The following LMNB1 variants were observed in gnomAD, a reference collection of about 807,000 sequenced individuals.
LMNB1 encodes lamin B1, also known as lamin-B1.
A neutral mutation model predicts 67.1 loss-of-function variants in LMNB1; 23 were observed. That is an observed-to-expected ratio of 0.34 (90% confidence interval 0.25 to 0.49). LMNB1 has a LOEUF of 0.49. Ranked by LOEUF, LMNB1 falls within the 20% of genes least tolerant of loss-of-function variation. LMNB1 has a pLI of 0.99. For missense variants in LMNB1, 634 were observed against 746.5 expected, an observed-to-expected ratio of 0.85 and a Z score of 1.76; for synonymous variants, 281 against 282.9, an observed-to-expected ratio of 0.99 and a Z score of 0.07.
intron 10 of LMNB1, among the ~76,000 whole-genome samples, chr5:126,835,874 G>T (rs1207093851): frequency 6.6e-6 from 1 of 152,154 alleles, no homozygotes; most frequent in Non-Finnish European, 1.5e-5. Flanking sequence ...GATCACTTGA[G>T]GCCAGGAGTT....
chr5:126,781,397 A>G (rs1750630119), intron 1 of LMNB1, among the ~76,000 whole-genome samples: 2 of 152,332 alleles, frequency 1.3e-5, no homozygotes, highest in East Asian at 1.9e-4. Context: ...GGCTAGGTAT[A>G]GAATACTAGG....
chr5:126,786,013 G>T (rs985823973), intron 1 of LMNB1, among the ~76,000 whole-genome samples: 1 of 151,520 alleles, frequency 6.6e-6, no homozygotes, highest in East Asian at 1.9e-4. Context: ...GACTCCCTTT[G>T]GGGGGTGGGG....
chr5:126,807,870 G>GTTTTTGTTTTTGTTTTTGT (rs1269501198), intron 3 of LMNB1, among the ~76,000 whole-genome samples: 9 of 151,738 alleles, frequency 5.9e-5, no homozygotes, highest in East Asian at 1.9e-4. Context: ...TTTTGTTTTT[G>GTTTTTGTTTTTGTTTTTGT]TTTTTTTTAA....
chr5:126,783,073 C>T (rs535658079), intron 1 of LMNB1, among the ~76,000 whole-genome samples: 2 of 151,892 alleles, frequency 1.3e-5, no homozygotes, highest in South Asian at 4.2e-4. Flanking sequence ...GTGGTGCACG[C>T]CTGTAATCCC....
At chr5:126,786,343 G>T (rs1014765265) in intron 1 of LMNB1, among the ~76,000 whole-genome samples, 1 of 151,912 alleles carries the variant, frequency 6.6e-6, no homozygotes, top group Non-Finnish European at 1.5e-5. Context: ...GGATGGTCTC[G>T]ATCTCCTGAC....
chr5:126,819,303 A>G (rs1301590283), intron 6 of LMNB1, 161 bp downstream of exon 6: 3 of 549,474 alleles, frequency 5.5e-6, no homozygotes, highest in African/African-American at 3.8e-5. Flanking sequence ...TTTCTACCTC[A>G]TCGCAGAAAA....
intron 3 of LMNB1, among the ~76,000 whole-genome samples, chr5:126,806,759 C>T (rs1751442367): frequency 6.6e-6 from 1 of 151,878 alleles, no homozygotes. Flanking sequence ...TGCGGCTACT[C>T]ACAGCATTTA....
At chr5:126,791,753 C>T (rs1416757647) in intron 1 of LMNB1, among the ~76,000 whole-genome samples, 1 of 151,504 alleles carries the variant, frequency 6.6e-6, no homozygotes, top group Non-Finnish European at 1.5e-5. Flanking sequence ...AGGTGTGAAC[C>T]ATCATGCCTA....
intron 5 of LMNB1, among the ~76,000 whole-genome samples, chr5:126,816,546 T>C (rs1160481253): frequency 6.6e-6 from 1 of 152,210 alleles, no homozygotes; most frequent in Non-Finnish European, 1.5e-5. Flanking sequence ...TTGTCAAAAC[T>C]AAGAAACTGA....
chr5:126,836,867 T>C lies in LMNB1; in HGVS notation c.*603T>C. The C allele has an allele frequency of 2.5e-6, 1 of 395,706 alleles. No homozygotes were observed. The highest frequency in any genetic ancestry group is 3.6e-5 in the East Asian group (1 of 27,926). 24.5% of individuals were successfully genotyped at this position (395,706 alleles called of 1,614,324 possible). On this transcript the variant is annotated 3_prime_UTR_variant, in exon 11 of 11. Transcript: ENST00000261366. ...CTTGGTTTTATGGTTACTTCTTCTCTTAGATTCTTAATTCATGAGGAGGGT... is the reference window on the plus strand; with the variant it reads ...CTTGGTTTTATGGTTACTTCTTCTCCTAGATTCTTAATTCATGAGGAGGGT...
intron 1 of LMNB1, among the ~76,000 whole-genome samples, chr5:126,803,247 T>C (rs542182628): frequency 6.6e-6 from 1 of 152,012 alleles, no homozygotes; most frequent in African/African-American, 2.4e-5. Flanking sequence ...GCTTGTTTTT[T>C]GTTTTTGTTG....
chr5:126,789,758 C>T (rs1435444229), intron 1 of LMNB1, among the ~76,000 whole-genome samples: 1 of 152,120 alleles, frequency 6.6e-6, no homozygotes, highest in African/African-American at 2.4e-5. Context: ...ACTGCAACCT[C>T]TGCCTTCCAG....
At chr5:126,824,426 T>A (rs1482155625) in intron 8 of LMNB1, among the ~76,000 whole-genome samples, 1 of 152,198 alleles carries the variant, frequency 6.6e-6, no homozygotes, top group Non-Finnish European at 1.5e-5. Flanking sequence ...CAAAATCTAG[T>A]GTGTATTTTA....
intron 1 of LMNB1, among the ~76,000 whole-genome samples, chr5:126,803,288 C>T (rs1751333921): frequency 6.6e-6 from 1 of 151,984 alleles, no homozygotes; most frequent in Admixed American, 6.6e-5. Flanking sequence ...TCTTGTTGCC[C>T]AGGCTGGAGT....
intron 7 of LMNB1, among the ~76,000 whole-genome samples, chr5:126,822,243 G>A (rs12514704): frequency 6.6e-6 from 1 of 152,172 alleles, no homozygotes; most frequent in Admixed American, 6.5e-5. Context: ...ACCCGCCTTG[G>A]CCTCCTAAAG....
intron 9 of LMNB1, among the ~76,000 whole-genome samples, chr5:126,830,717 C>T (rs1035587962): frequency 8.5e-5 from 13 of 152,116 alleles, no homozygotes; most frequent in Non-Finnish European, 2.9e-5. Context: ...ATGTATACCA[C>T]GAGCTTCTAG....
rs70997312 is a variant in LMNB1 at position 126,786,112 on chromosome 5, C to CTTTTTTTTTT, written c.359+8256_359+8265dup. 4.2e-4 allele frequency among the ~76,000 whole-genome samples: 45 copies of CTTTTTTTTTT among 106,652 alleles called. 1 individual carries two copies. Among genetic ancestry groups the CTTTTTTTTTT allele is most frequent in the Non-Finnish European group, 5.8e-4 (32 of 55,024 alleles). 70.0% of individuals were successfully genotyped at this position (106,652 alleles called of 152,430 possible). A position where few individuals can be genotyped will look rare whatever the true frequency, so the allele number is the denominator to read the frequency against. ...ACAGTAGATGCTTTACAGACATTAT[C>CTTTTTTTTTT]TTTTTTTTTTTTTTTTTTTTGATGC... On this transcript the variant is annotated intron_variant, in intron 1 of 10. Coordinates refer to ENST00000261366, the MANE Select transcript of LMNB1 (RefSeq NM_005573.4).
chr5:126,787,362 G>T (rs1267401697), intron 1 of LMNB1, among the ~76,000 whole-genome samples: 1 of 145,428 alleles, frequency 6.9e-6, no homozygotes, highest in Non-Finnish European at 1.5e-5. Context: ...AATGGAGAGT[G>T]AGTTGTCCTG....
intron 5 of LMNB1, among the ~76,000 whole-genome samples, chr5:126,813,793 A>C (rs911785081): frequency 1.1e-4 from 17 of 152,178 alleles, no homozygotes; most frequent in Non-Finnish European, 1.0e-4. Context: ...TTACCACTCA[A>C]AGGCCCTACC....
Sources: allele counts gnomAD v4.1 joint callset (sites outside exome capture counted in the v4.1 genomes callset), GRCh38; gene constraint gnomAD v4.1.1; transcripts MANE v1.5; gene names NCBI Gene and HGNC (gene_info 2026-07-23, HGNC 2026-07-21).